The following NBPF3 variants were observed in gnomAD, a reference collection of about 807,000 sequenced individuals.
The protein encoded by NBPF3 is NBPF family member NBPF3.
A neutral mutation model predicts 78.1 loss-of-function variants in NBPF3; 57 were observed. That is an observed-to-expected ratio of 0.73 (90% CI 0.59 to 0.91). NBPF3 has a LOEUF of 0.91. NBPF3 is among the 40% of genes least tolerant of loss of function. The probability of loss-of-function intolerance (pLI) is 0.00; values close to 1 mark genes in which losing one functional copy is unlikely to be tolerated. For missense variants in NBPF3, 510 were observed against 715.3 expected (o/e 0.71, Z 3.27); for synonymous variants, 182 against 271.7 (o/e 0.67, Z 3.25).
chr1:21,475,219 G>T (rs1228970828), intron 8 of NBPF3, among the ~76,000 whole-genome samples: 1 of 152,190 alleles, frequency 6.6e-6, no homozygotes, highest in Non-Finnish European at 1.5e-5. Flanking sequence ...CCAGCTCCTG[G>T]ATTCACTGAT....
intron 2 of NBPF3, 175 bp from the exon 3 acceptor site, chr1:21,468,513 A>G (rs2147978601): frequency 2.0e-6 from 3 of 1,472,924 alleles, no homozygotes; most frequent in South Asian, 1.4e-5. Context: ...CTCTGAGCTC[A>G]GGCACCTCGA....
At chr1:21,440,971 T>C (rs1025139517) in intron 1 of NBPF3, 1 of 152,314 alleles carries the variant, frequency 6.6e-6, no homozygotes, top group Non-Finnish European at 1.5e-5. Context: ...GTGGTTTCCC[T>C]GTGCCTGTCT....
chr1:21,464,456 G>T (rs183722745), intron 2 of NBPF3, among the ~76,000 whole-genome samples: 5 of 152,028 alleles, frequency 3.3e-5, no homozygotes, highest in African/African-American at 1.2e-4. Flanking sequence ...GCACAAGAGG[G>T]GGGGAATTGG....
chr1:21,474,143 G>T (rs977665324), intron 7 of NBPF3, among the ~76,000 whole-genome samples: 9 of 152,026 alleles, frequency 5.9e-5, no homozygotes, highest in Non-Finnish European at 1.0e-4. Context: ...CAATGCAATG[G>T]CTGATGCAAT....
At chr1:21,462,988 A>G (rs916468843) in intron 2 of NBPF3, among the ~76,000 whole-genome samples, 2 of 152,244 alleles carry the variant, frequency 1.3e-5, no homozygotes, top group African/African-American at 4.8e-5. Flanking sequence ...ATAAACAACA[A>G]TTGACAAAGA....
chr1:21,475,536 C>T (rs4654945), intron 8 of NBPF3, among the ~76,000 whole-genome samples: 110,606 of 152,030 alleles, frequency 0.73, 41,035 homozygotes, highest in South Asian at 0.9. Context: ...CATTCAGGAG[C>T]AGGTTGTTCA....
intron 9 of NBPF3, 29 bp downstream of exon 9, chr1:21,478,336 G>A (rs1333002407): frequency 1.9e-6 from 3 of 1,608,318 alleles, no homozygotes; most frequent in Non-Finnish European, 2.6e-6. Flanking sequence ...AGGTGATAAA[G>A]CTCCAGTTCA....
Position 21,476,792 on chromosome 1 carries a change from C to G in NBPF3, c.993-1352C>G, listed in dbSNP as rs1257192515. 6.6e-6 allele frequency among the ~76,000 whole-genome samples: 1 copy of G among 152,044 alleles called. No individual in the cohort carries two copies. The highest frequency in any genetic ancestry group is 1.5e-5 in the Non-Finnish European group (1 of 68,012). ...TCTCGAGGAGTATCTTTGTGGTGTTCTCTGTATTTCCTGAATTTGAATGTT... is the reference window on the plus strand; with the variant it reads ...TCTCGAGGAGTATCTTTGTGGTGTTGTCTGTATTTCCTGAATTTGAATGTT... On this transcript the variant is annotated intron_variant, in intron 8 of 14. Coordinates refer to ENST00000318249, the MANE Select transcript of NBPF3 (RefSeq NM_032264.6). This position sits in a 1 kb window ranked among gnomAD's most constrained non-coding sequence, Gnocchi z 4.1.
At chr1:21,439,688 C>T (rs1454812809), upstream of NBPF3, among the ~76,000 whole-genome samples, 1 of 151,624 alleles carries the variant, frequency 6.6e-6, no homozygotes, top group African/African-American at 2.4e-5. Flanking sequence ...TCTTTTTCGT[C>T]CAGGCTGGTC....
At chr1:21,471,449 G>A (rs1357864031) in intron 4 of NBPF3, 120 bp from the exon 5 acceptor site, 1 of 1,494,466 alleles carries the variant, frequency 6.7e-7, no homozygotes, top group African/African-American at 1.4e-5. Flanking sequence ...TTAAACATGT[G>A]CTGACCTTCT....
chr1:21,475,767 G>C (rs1486331109), intron 8 of NBPF3, among the ~76,000 whole-genome samples: 1 of 152,184 alleles, frequency 6.6e-6, no homozygotes, highest in Non-Finnish European at 1.5e-5. Flanking sequence ...GGGGTGGAGA[G>C]TTCGTAGATG....
At chr1:21,436,863 T>G, upstream of NBPF3, 1 of 542,638 alleles carries the variant, frequency 1.8e-6, no homozygotes, top group Non-Finnish European at 2.6e-6. The surrounding 1 kb of genome is among the most constrained non-coding windows in gnomAD (Gnocchi z 4.3). Flanking sequence ...GGGGAGGGGC[T>G]CGCGCCCTCC....
chr1:21,467,996 A>G (rs1642372229), intron 2 of NBPF3, among the ~76,000 whole-genome samples: 2 of 152,208 alleles, frequency 1.3e-5, no homozygotes, highest in Admixed American at 1.3e-4. Flanking sequence ...TTTTTTACAA[A>G]TGAGTTATTC....
At chr1:21,483,049 T>C (rs1643305942) in intron 14 of NBPF3, 94 bp from the exon 15 acceptor site, 2 of 1,442,462 alleles carry the variant, frequency 1.4e-6, no homozygotes, top group East Asian at 2.3e-5. Context: ...TTTCCTTTTT[T>C]GACCACTTCC....
At chr1:21,470,770 G>T in intron 4 of NBPF3, 36 bp downstream of exon 4, 1 of 1,423,794 alleles carries the variant, frequency 7.0e-7, no homozygotes, top group Non-Finnish European at 9.8e-7. Flanking sequence ...AGGTGGGCAG[G>T]TGTGTAAATA....
upstream of NBPF3, among the ~76,000 whole-genome samples, chr1:21,439,916 GA>G: frequency 6.6e-6 from 1 of 152,344 alleles, no homozygotes; most frequent in African/African-American, 2.4e-5. Context: ...GAGAGACGCG[GA>G]GGGCAGAGAG....
upstream of NBPF3, among the ~76,000 whole-genome samples, chr1:21,437,234 G>T (rs1443936278): frequency 6.6e-6 from 1 of 152,030 alleles, no homozygotes; most frequent in Non-Finnish European, 1.5e-5. Context: ...AGGATGCAAG[G>T]GGGAGGAGCC....
At chr1:21,457,354 ATATATATATGTATGTATATATATGTATG>A (rs1239863678) in intron 2 of NBPF3, among the ~76,000 whole-genome samples, 2 of 145,722 alleles carry the variant, frequency 1.4e-5, no homozygotes, top group African/African-American at 2.5e-5. Flanking sequence ...GTGTGTATAT[ATATATATATGTATGTATATATATGTATG>A]TATATATATG....
At chr1:21,463,192 G>T (rs151018715) in intron 2 of NBPF3, among the ~76,000 whole-genome samples, 2 of 152,176 alleles carry the variant, frequency 1.3e-5, no homozygotes, top group Non-Finnish European at 2.9e-5. Context: ...TGGAATAGAT[G>T]GAGGAAGTTT....
Sources: allele counts gnomAD v4.1 joint callset (sites outside exome capture counted in the v4.1 genomes callset), GRCh38; gene constraint gnomAD v4.1.1; non-coding constraint Gnocchi (gnomAD v3.1); transcripts MANE v1.5; gene names NCBI Gene and HGNC (gene_info 2026-07-23, HGNC 2026-07-21).